Variants in RADX observed in about 807,000 individuals in gnomAD.
The protein encoded by RADX is RPA1 related single stranded DNA binding protein, X-linked.
A neutral mutation model predicts 61.6 loss-of-function variants in RADX; 36 were observed. That is an observed-to-expected ratio of 0.58 (90% confidence interval 0.45 to 0.77). The LOEUF is 0.77. RADX is among the 30% of genes least tolerant of loss of function. The pLI, the probability that RADX is intolerant of heterozygous loss-of-function variation, is 0.00. For synonymous variants in RADX, 272 were observed against 237.9 expected, an observed-to-expected ratio of 1.14 and a Z score of -1.32; for missense variants, 497 against 651.1, an observed-to-expected ratio of 0.76 and a Z score of 2.58.
intron 2 of RADX, among the ~76,000 whole-genome samples, chrX:106,623,508 G>T (rs1052215452): frequency 9.0e-6 from 1 of 111,511 alleles, no homozygotes; most frequent in Non-Finnish European, 1.9e-5. Flanking sequence ...AATGTAGAAA[G>T]CTGTTTGAAG....
intron 2 of RADX, among the ~76,000 whole-genome samples, chrX:106,624,051 C>G (rs761095247): frequency 9.0e-6 from 1 of 111,165 alleles, no homozygotes; most frequent in African/African-American, 3.3e-5. Flanking sequence ...ACCAAATTGC[C>G]CTACCTGGAA....
rs181993248 is a variant in RADX, at chrX:106,614,596, T to C, written c.643+1873T>C. 2.7e-5 allele frequency among the ~76,000 whole-genome samples: 3 copies of C among 112,176 alleles called. No individual in the cohort carries two copies. The East Asian group carries it at 8.4e-4, about 31-fold the overall frequency. On this transcript the variant is annotated intron_variant, in intron 1 of 13. Coordinates refer to ENST00000372548, the MANE Select transcript of RADX (RefSeq NM_018015.6). ...TTTTGTGGATATAGACAGATCATCT[T>C]CTGAAAAGGTTGTACTAATTTACAT...
intron 1 of RADX, among the ~76,000 whole-genome samples, chrX:106,618,413 C>T (rs866379494): frequency 9.0e-6 from 1 of 110,968 alleles, no homozygotes; most frequent in Middle Eastern, 4.7e-3. Context: ...GGGTAGGGCC[C>T]TAGAATTTAC....
chrX:106,675,798 G>T (rs1026561812), intron 13 of RADX, among the ~76,000 whole-genome samples: 2 of 111,985 alleles, frequency 1.8e-5, no homozygotes, highest in East Asian at 5.6e-4. Context: ...CCTTTTTAAA[G>T]AATTTTTATG....
intron 10 of RADX, among the ~76,000 whole-genome samples, chrX:106,646,388 C>T (rs990198619): frequency 9.0e-6 from 1 of 110,803 alleles, no homozygotes; most frequent in Non-Finnish European, 1.9e-5. Context: ...AGTCCTAACC[C>T]TCAGGACTTC....
chrX:106,658,585 A>G (rs1489248070), intron 11 of RADX, among the ~76,000 whole-genome samples: 3 of 112,402 alleles, frequency 2.7e-5, no homozygotes, highest in Non-Finnish European at 5.6e-5. Flanking sequence ...ATGTTAATTA[A>G]CAGATGATTA....
At chrX:106,620,267 A>G (rs1453840318) in intron 1 of RADX, among the ~76,000 whole-genome samples, 1 of 112,339 alleles carries the variant, frequency 8.9e-6, no homozygotes, top group African/African-American at 3.2e-5. Context: ...TTTGGAAAAT[A>G]TAGTCATTTT....
intron 3 of RADX, among the ~76,000 whole-genome samples, chrX:106,627,102 G>C (rs1159493711): frequency 8.9e-6 from 1 of 112,044 alleles, no homozygotes; most frequent in Non-Finnish European, 1.9e-5. Context: ...TGTGTAAGTG[G>C]ATTACAACTC....
At chrX:106,670,490 C>T (rs1352952012) in intron 13 of RADX, among the ~76,000 whole-genome samples, 1 of 110,291 alleles carries the variant, frequency 9.1e-6, no homozygotes, top group Non-Finnish European at 1.9e-5. Context: ...ATGAAATATA[C>T]CTGGTACCCT....
Position 106,612,600 on chromosome X carries a change from C to A in RADX, c.520C>A (p.Gln174Lys), listed in dbSNP as rs759114712. ...LETPFRNRAH[Q>K]EKPERPLRGG... ...AACTCCCTTCAGAAATAGAGCGCAC[C>A]AGGAGAAACCAGAGAGGCCTTTAAG... The change falls in exon 1 of 14, where the codon CAG becomes AAG. Residue 174 changes from glutamine to lysine, a missense_variant. Physicochemically the swap from Gln to Lys is moderately conservative, Grantham distance 53. Transcript: ENST00000372548. The A allele has an allele frequency of 1.7e-5, 20 of 1,208,915 alleles. No individual in the cohort carries two copies. The highest frequency in any genetic ancestry group is 2.1e-5 in the Non-Finnish European group (19 of 894,986).
chrX:106,653,365 C>G (rs1201786802), intron 11 of RADX, among the ~76,000 whole-genome samples: 1 of 110,164 alleles, frequency 9.1e-6, no homozygotes, highest in African/African-American at 3.3e-5. Flanking sequence ...ATGCACTGTT[C>G]TAAAATTCTT....
intron 13 of RADX, among the ~76,000 whole-genome samples, chrX:106,671,800 G>GT (rs1373218406): frequency 2.9e-5 from 3 of 103,618 alleles, no homozygotes; most frequent in African/African-American, 4.3e-5. Context: ...CCATTTATAT[G>GT]TTTTTTCTTT....
In RADX at chrX:106,612,235, A is replaced by G. The variant is rs768275039; in HGVS notation, c.155A>G (p.Gln52Arg). 8.3e-7 allele frequency: 1 copy of G among 1,211,469 alleles called. No homozygotes were observed. Among genetic ancestry groups the G allele is most frequent in the African/African-American group, 1.7e-5 (1 of 57,669 alleles). ...TCCTGGATCCAAAAGGTTCTTGAGC[A>G]GATTATGGACTCACCTCGCCAGTGT... is the stretch of plus-strand genomic sequence containing the variant. The part of the protein sequence containing the change: ...PRSWIQKVLE[Q>R]IMDSPRQCVT... Residue 52 changes from glutamine to arginine, a missense_variant, in exon 1 of 14, where the codon CAG becomes CGG. This residue lies in a region of RADX where 196 missense variants were observed against 315.0 expected (regional missense o/e 0.62). Coordinates refer to ENST00000372548, the MANE Select transcript of RADX (RefSeq NM_018015.6).
intron 12 of RADX, among the ~76,000 whole-genome samples, chrX:106,663,418 C>A (rs1928152462): frequency 9.0e-6 from 1 of 111,273 alleles, no homozygotes; most frequent in African/African-American, 3.3e-5. Flanking sequence ...ATTACTTGGT[C>A]TCTTCAAGTA....
chrX:106,623,609 A>G (rs1927005963), intron 2 of RADX, among the ~76,000 whole-genome samples: 1 of 110,717 alleles, frequency 9.0e-6, no homozygotes, highest in Non-Finnish European at 1.9e-5. Flanking sequence ...ATATACAAGC[A>G]TATCATATAT....
At chrX:106,666,315 T>A (rs916995892) in intron 12 of RADX, among the ~76,000 whole-genome samples, 2 of 112,257 alleles carry the variant, frequency 1.8e-5, no homozygotes, top group Admixed American at 9.4e-5. Flanking sequence ...TCTCCTCAAT[T>A]TTCATTTGAC....
intron 10 of RADX, 115 bp downstream of exon 10, chrX:106,640,836 C>A: frequency 4.3e-6 from 2 of 469,262 alleles, no homozygotes; most frequent in Admixed American, 4.6e-5. Flanking sequence ...GCCCCCATAA[C>A]AAAATACCAC....
chrX:106,616,440 T>C (rs1436561636), intron 1 of RADX, among the ~76,000 whole-genome samples: 2 of 111,881 alleles, frequency 1.8e-5, no homozygotes, highest in Non-Finnish European at 3.8e-5. Flanking sequence ...TAATTTCTTT[T>C]ACGTACTTCC....
At chrX:106,655,325 C>T (rs755546661) in intron 11 of RADX, among the ~76,000 whole-genome samples, 1 of 100,404 alleles carries the variant, frequency 1.0e-5, no homozygotes, top group African/African-American at 4.0e-5. Context: ...TTGTTATTAG[C>T]TTTATTTTTT....
Sources: gnomAD v4.1 joint callset for allele counts (sites outside exome capture counted in the v4.1 genomes callset) on GRCh38, gnomAD v4.1.1 for gene constraint, gnomAD v4.1.1 regional missense constraint, MANE v1.5 for transcripts, NCBI Gene and HGNC (gene_info 2026-07-23, HGNC 2026-07-21) for gene names.